SLC5A10: variants seen among roughly 807,000 people sequenced by gnomAD.
The protein encoded by SLC5A10 is solute carrier family 5 member 10.
In SLC5A10, 55 loss-of-function variants were observed where a neutral mutation model predicts 68.9. That is an observed-to-expected ratio of 0.80 (90% CI 0.64 to 1.00). The LOEUF (loss-of-function observed/expected upper bound fraction) is 1.00. Ranked by LOEUF, SLC5A10 falls within the 50% of genes least tolerant of loss-of-function variation. The pLI, the probability that SLC5A10 is intolerant of heterozygous loss-of-function variation, is 0.00. For synonymous variants in SLC5A10, 344 were observed against 344.8 expected, an observed-to-expected ratio of 1.00 and a Z score of 0.02; for missense variants, 732 against 819.3, an observed-to-expected ratio of 0.89 and a Z score of 1.30.
intron 9 of SLC5A10, among the ~76,000 whole-genome samples, chr17:18,987,458 C>T (rs1023396182): frequency 6.6e-6 from 1 of 152,224 alleles, no homozygotes; most frequent in Non-Finnish European, 1.5e-5. Flanking sequence ...ATGCTCTGCA[C>T]GCAGCAGGTG....
intron 8 of SLC5A10, 81 bp from the exon 9 acceptor site, chr17:18,976,773 T>C: frequency 6.4e-7 from 1 of 1,555,466 alleles, no homozygotes; most frequent in Non-Finnish European, 8.7e-7. Flanking sequence ...TCATGCCCAT[T>C]CCCTGAGGCC....
chr17:18,974,077 G>C (rs1344042460), intron 8 of SLC5A10, among the ~76,000 whole-genome samples: 10 of 152,046 alleles, frequency 6.6e-5, no homozygotes, highest in Admixed American at 2.0e-4. Flanking sequence ...ATTTTTAATA[G>C]AGACGGGGTT....
rs373880772 is a variant in SLC5A10 at position 18,967,415 on chromosome 17, G to A, written c.454-1637G>A. On this transcript the variant is annotated intron_variant, in intron 5 of 14. Coordinates refer to ENST00000395645, the MANE Select transcript of SLC5A10 (RefSeq NM_001042450.4). ...ACTCGAGGAGCAGAGGGGCTGGCAC[G>A]GCTGTGTTTTGAAACATGAGAAGCA... Among the ~76,000 whole-genome samples, 13 of 152,316 alleles carry A rather than the reference G, an allele frequency of 8.5e-5. No homozygotes were observed. The East Asian group carries it at 9.6e-4, about 11-fold the overall frequency.
chr17:18,964,406 GC>G (rs542889265), intron 5 of SLC5A10, among the ~76,000 whole-genome samples: 212 of 152,318 alleles, frequency 1.4e-3, no homozygotes, highest in African/African-American at 5.0e-3. Context: ...ACTGGGCCTG[GC>G]CTGTGGGTTC....
At chr17:18,977,806 G>A (rs779496696) in intron 9 of SLC5A10, 9 of 1,604,818 alleles carry the variant, frequency 5.6e-6, no homozygotes, top group African/African-American at 4.0e-5. Flanking sequence ...CTCTCACCTC[G>A]AAGTACTCCT....
chr17:19,006,419 T>TTTTTTTTG (rs2043893618), intron 9 of SLC5A10, among the ~76,000 whole-genome samples: 1 of 149,208 alleles, frequency 6.7e-6, no homozygotes, highest in African/African-American at 2.5e-5. Flanking sequence ...TTTTTTTTTT[T>TTTTTTTTG]GTAGAGACAA....
At chr17:18,963,873 T>C (rs2042659407) in intron 5 of SLC5A10, among the ~76,000 whole-genome samples, 1 of 152,234 alleles carries the variant, frequency 6.6e-6, no homozygotes, top group African/African-American at 2.4e-5. Context: ...CCATGCCACT[T>C]GCAGTAAAGG....
chr17:18,978,109 G>C, intron 9 of SLC5A10: 1 of 1,517,566 alleles, frequency 6.6e-7, no homozygotes, highest in Non-Finnish European at 8.8e-7. Context: ...TATCACTGCT[G>C]TCCCGGGCTA....
At position 19,020,554 on chromosome 17, in the gene SLC5A10, C is replaced by T; in HGVS notation, c.*123C>T. 1.1e-6 allele frequency: 1 copy of T among 901,398 alleles called. No homozygotes were observed. The highest frequency in any genetic ancestry group is 1.7e-6 in the Non-Finnish European group (1 of 599,572). The allele number at this position is 901,398 out of a possible 1,614,324, so 55.8% of individuals were successfully genotyped here. A position where few individuals can be genotyped will look rare whatever the true frequency, so the allele number is the denominator to read the frequency against. ...TCACAGCTGCACAGCAGCTCGGTGCCCAAGAACTGGCCAAGCCAGCAAAGC... is the reference window on the plus strand; with the variant it reads ...TCACAGCTGCACAGCAGCTCGGTGCTCAAGAACTGGCCAAGCCAGCAAAGC... On this transcript the variant is annotated 3_prime_UTR_variant, in exon 15 of 15. Transcript: ENST00000395645.
rs969031562 is a variant in SLC5A10, at chr17:18,977,470, G to A, written c.982+481G>A. On this transcript the variant is annotated intron_variant, in intron 9 of 14. Coordinates refer to ENST00000395645, the MANE Select transcript of SLC5A10 (RefSeq NM_001042450.4). Reference sequence around the variant, plus strand: ...TCAAGTTTCCCCATCTGTAACAAGGGAATTGAAGTCATCAGAGTCAGGGAC... The same window carrying A: ...TCAAGTTTCCCCATCTGTAACAAGGAAATTGAAGTCATCAGAGTCAGGGAC... The A allele has an allele frequency of 4.7e-6, 5 of 1,069,884 alleles. No homozygotes were observed. The African/African-American group carries it at 7.9e-5, about 17-fold the overall frequency. The allele number at this position is 1,069,884 out of a possible 1,614,324, so 66.3% of individuals were successfully genotyped here. A position where few individuals can be genotyped will look rare whatever the true frequency, so the allele number is the denominator to read the frequency against.
At chr17:18,982,938 G>A (rs2043175679) in intron 9 of SLC5A10, among the ~76,000 whole-genome samples, 2 of 152,228 alleles carry the variant, frequency 1.3e-5, no homozygotes, top group African/African-American at 4.8e-5. Context: ...GCTGCTGTGA[G>A]GACTGAATAG....
chr17:19,020,101 A>ACGCCC, intron 13 of SLC5A10, 54 bp from the exon 14 acceptor site: 2 of 1,227,266 alleles, frequency 1.6e-6, no homozygotes, highest in Non-Finnish European at 1.2e-6. Context: ...TGTCTGGGTC[A>ACGCCC]CCCCCACCCT....
intron 9 of SLC5A10, among the ~76,000 whole-genome samples, chr17:19,006,162 A>G (rs920324899): frequency 4.6e-5 from 7 of 152,202 alleles, no homozygotes; most frequent in Admixed American, 2.6e-4. Flanking sequence ...GCATAACTAT[A>G]ATACAATAAT....
chr17:18,988,191 A>G (rs1259954579), intron 9 of SLC5A10: 22 of 1,584,842 alleles, frequency 1.4e-5, no homozygotes, highest in Non-Finnish European at 1.8e-5. Flanking sequence ...GTGTTTGTTG[A>G]CAGACTGAAT....
chr17:18,958,607 C>A, intron 1 of SLC5A10, 75 bp from the exon 2 acceptor site: 1 of 1,346,020 alleles, frequency 7.4e-7, no homozygotes, highest in Non-Finnish European at 1.1e-6. Flanking sequence ...TGAGGAGCTG[C>A]CAAGCCGTTT....
In SLC5A10 at chr17:18,960,580, C is replaced by T. The variant is rs771445304; in HGVS notation, c.381C>T (p.Arg127=). 3 of 1,614,166 alleles carry T rather than the reference C, an allele frequency of 1.9e-6. No individual in the cohort carries two copies. Among genetic ancestry groups the T allele is most frequent in the Admixed American group, 1.7e-5 (1 of 60,016 alleles). Residue 127 remains arginine, a synonymous_variant, in exon 5 of 15, where the codon CGC becomes CGT. Transcript: ENST00000395645. ...IVTLPEYIQK[R]YGGQRIRMYL... ...CCTTACCTGAGTACATTCAGAAGCGCTACGGGGGCCAGCGGATCCGCATGT... is the reference window on the plus strand; with the variant it reads ...CCTTACCTGAGTACATTCAGAAGCGTTACGGGGGCCAGCGGATCCGCATGT...
chr17:19,019,308 T>C (rs2044207179), intron 11 of SLC5A10, 115 bp from the exon 12 acceptor site: 5 of 1,318,088 alleles, frequency 3.8e-6, no homozygotes, highest in Non-Finnish European at 4.1e-6. Context: ...GGGAGGAGGC[T>C]GGAGCTGGGG....
chr17:18,951,943 A>AGTTCG (rs2042375270), upstream of SLC5A10: 1 of 465,636 alleles, frequency 2.1e-6, no homozygotes, highest in African/African-American at 2.0e-5. Flanking sequence ...CTCCGAGTTC[A>AGTTCG]AGGAGGCTCC....
At chr17:18,976,516 G>A in intron 8 of SLC5A10, 1 of 295,360 alleles carries the variant, frequency 3.4e-6, no homozygotes, top group East Asian at 7.0e-5. Context: ...GGGTAGGGGT[G>A]TATGTCCCCA....
Sources: allele counts gnomAD v4.1 joint callset (sites outside exome capture counted in the v4.1 genomes callset), GRCh38; gene constraint gnomAD v4.1.1; transcripts MANE v1.5; gene names NCBI Gene and HGNC (gene_info 2026-07-23, HGNC 2026-07-21).